Variants in MAGI2 observed in about 807,000 individuals in gnomAD.
The protein encoded by MAGI2 is membrane associated guanylate kinase, WW and PDZ domain containing 2.
A neutral mutation model predicts 133.3 loss-of-function variants in MAGI2; 35 were observed. The observed-to-expected ratio is 0.26, with a 90% CI of 0.20 to 0.35. The LOEUF is 0.35. Among genes scored for constraint, MAGI2 ranks in the 10% least tolerant of loss-of-function variants. The probability of loss-of-function intolerance (pLI) is 1.00; values close to 1 mark genes in which losing one functional copy is unlikely to be tolerated. For missense variants in MAGI2, 1,636 were observed against 1,863.4 expected (o/e 0.88, Z 2.25); for synonymous variants, 729 against 710.6 (o/e 1.03, Z -0.41).
chr7:78,283,519 G>A (rs1239242371), intron 9 of MAGI2, among the ~76,000 whole-genome samples: 2 of 152,084 alleles, frequency 1.3e-5, no homozygotes, highest in South Asian at 2.1e-4. Context: ...GAAGTGCTTG[G>A]TGAGTTACCT....
chr7:79,224,575 A>G (rs1418572149), intron 1 of MAGI2, among the ~76,000 whole-genome samples: 1 of 152,092 alleles, frequency 6.6e-6, no homozygotes, highest in African/African-American at 2.4e-5. Context: ...CCAAATGTTC[A>G]TCAATTGGGG....
At chr7:78,936,245 CAAT>C (rs1033689488) in intron 2 of MAGI2, among the ~76,000 whole-genome samples, 30 of 151,674 alleles carry the variant, frequency 2.0e-4, no homozygotes, top group African/African-American at 6.8e-4. Flanking sequence ...AGAAAATAAT[CAAT>C]AATAATTATT....
At chr7:79,311,740 A>T (rs1838308549) in intron 1 of MAGI2, among the ~76,000 whole-genome samples, 1 of 152,150 alleles carries the variant, frequency 6.6e-6, no homozygotes, top group South Asian at 2.1e-4. Flanking sequence ...CCTCAAATTT[A>T]ACATTATCAA....
intron 2 of MAGI2, among the ~76,000 whole-genome samples, chr7:78,776,039 A>G (rs1825961252): frequency 6.6e-6 from 1 of 152,204 alleles, no homozygotes; most frequent in Admixed American, 6.5e-5. Flanking sequence ...ACCAAAGGCA[A>G]GTCATCCAAA....
chr7:78,053,679 A>G (rs3807765), intron 21 of MAGI2, among the ~76,000 whole-genome samples: 16,223 of 152,252 alleles, frequency 0.11, 987 homozygotes, highest in South Asian at 0.16. Flanking sequence ...ATAAGCTCCA[A>G]TCCCCAACTG....
intron 1 of MAGI2, chr7:79,411,171 C>T (rs1246008395): frequency 6.6e-6 from 1 of 152,094 alleles, no homozygotes; most frequent in Admixed American, 6.6e-5. Context: ...GTGGCAGTAA[C>T]AGCTTTTCAT....
intron 1 of MAGI2, among the ~76,000 whole-genome samples, chr7:79,127,293 A>G (rs1003215066): frequency 6.6e-5 from 10 of 152,164 alleles, no homozygotes; most frequent in Non-Finnish European, 1.0e-4. Flanking sequence ...CACATGATTT[A>G]TAATCTTTTG....
At chr7:78,954,493 T>C (rs1802133542) in intron 2 of MAGI2, among the ~76,000 whole-genome samples, 1 of 152,144 alleles carries the variant, frequency 6.6e-6, no homozygotes, top group South Asian at 2.1e-4. Context: ...CCTAACTGCT[T>C]ATGCTATAGA....
chr7:78,080,643 C>G (rs1585040940), intron 20 of MAGI2, among the ~76,000 whole-genome samples: 1 of 152,210 alleles, frequency 6.6e-6, no homozygotes, highest in Non-Finnish European at 1.5e-5. Flanking sequence ...GCTAGACTCT[C>G]TTCTGAGCTT....
chr7:78,776,809 C>G (rs529767258), intron 2 of MAGI2, among the ~76,000 whole-genome samples: 1 of 152,166 alleles, frequency 6.6e-6, no homozygotes, highest in East Asian at 1.9e-4. Flanking sequence ...CAAGCATAAC[C>G]TTGAGAAAAT....
chr7:78,031,227 A>G (rs550525080), intron 21 of MAGI2, among the ~76,000 whole-genome samples: 31 of 152,310 alleles, frequency 2.0e-4, no homozygotes, highest in African/African-American at 7.2e-4. Flanking sequence ...CTTGACTACA[A>G]TGGGGGATAA....
Position 78,780,767 on chromosome 7 carries a change from C to A in MAGI2, c.419-153528G>T, listed in dbSNP as rs1563497338. ...GTATTTGTCAGTTCTGTTTCAGTAC[C>A]GGGCCATTAGGGAAACCTGAACAGA... On this transcript the variant is annotated intron_variant, in intron 2 of 21. Coordinates refer to ENST00000354212, the MANE Select transcript of MAGI2 (RefSeq NM_012301.4). Among the ~76,000 whole-genome samples, 5 of 152,274 alleles carry A rather than the reference C, an allele frequency of 3.3e-5. No individual in the cohort carries two copies. In the South Asian group the frequency reaches 1.0e-3, roughly 32 times the overall value.
chr7:78,297,167 C>T (rs188185916), intron 9 of MAGI2, among the ~76,000 whole-genome samples: 24 of 152,152 alleles, frequency 1.6e-4, no homozygotes, highest in Non-Finnish European at 2.8e-4. Context: ...CCAAAGAGTA[C>T]CGAAGGGAAA....
chr7:79,445,013 T>C (rs1003565711), intron 1 of MAGI2, among the ~76,000 whole-genome samples: 220 of 152,260 alleles, frequency 1.4e-3, no homozygotes, highest in African/African-American at 5.0e-3. Flanking sequence ...TAATGCCGCA[T>C]ATCTACAACT....
intron 2 of MAGI2, among the ~76,000 whole-genome samples, chr7:78,888,798 T>C (rs559992900): frequency 6.6e-6 from 1 of 152,124 alleles, no homozygotes; most frequent in East Asian, 1.9e-4. Context: ...GCAGAAAAAC[T>C]GGAAACTCTA....
chr7:78,137,058 G>GT (rs1344865647), intron 16 of MAGI2, among the ~76,000 whole-genome samples: 1 of 152,116 alleles, frequency 6.6e-6, no homozygotes. Flanking sequence ...GACAATCAAT[G>GT]TTTTTTCAAG....
chr7:79,445,010 G>A (rs1426474617), intron 1 of MAGI2, among the ~76,000 whole-genome samples: 17 of 152,160 alleles, frequency 1.1e-4, no homozygotes, highest in African/African-American at 1.9e-4. Flanking sequence ...AAATAATGCC[G>A]CATATCTACA....
intron 20 of MAGI2, among the ~76,000 whole-genome samples, chr7:78,120,815 A>T (rs896503117): frequency 2.0e-5 from 3 of 150,494 alleles, no homozygotes; most frequent in African/African-American, 7.3e-5. Flanking sequence ...TCCCGGCTAA[A>T]ACGGTGAAAC....
chr7:78,985,971 T>C (rs904026411), intron 2 of MAGI2, among the ~76,000 whole-genome samples: 10 of 152,058 alleles, frequency 6.6e-5, no homozygotes, highest in African/African-American at 2.2e-4. Context: ...TGCAACCCAA[T>C]CAATCTTTAA....
Sources: allele counts gnomAD v4.1 joint callset (sites outside exome capture counted in the v4.1 genomes callset), GRCh38; gene constraint gnomAD v4.1.1; transcripts MANE v1.5; gene names NCBI Gene and HGNC (gene_info 2026-07-23, HGNC 2026-07-21).